The following IL1RAPL1 variants were observed in gnomAD, a reference collection of about 807,000 sequenced individuals.
The protein encoded by IL1RAPL1 is interleukin 1 receptor accessory protein like 1.
IL1RAPL1 carries 3 observed loss-of-function variants against 48.4 expected under a neutral mutation model. That is an observed-to-expected ratio of 0.06 (90% CI 0.03 to 0.16). IL1RAPL1 has a LOEUF of 0.16. IL1RAPL1 is among the 10% of genes least tolerant of loss of function. IL1RAPL1 has a pLI of 1.00. For missense variants in IL1RAPL1, 349 were observed against 530.6 expected (o/e 0.66, Z 3.36); for synonymous variants, 185 against 187.7 (o/e 0.99, Z 0.12).
intron 3 of IL1RAPL1, chrX:29,369,604 G>C (rs961149876): frequency 1.8e-5 from 2 of 111,390 alleles, no homozygotes; most frequent in African/African-American, 6.5e-5. Flanking sequence ...CAGGCAGTGT[G>C]GGGGAAACTG....
intron 2 of IL1RAPL1, among the ~76,000 whole-genome samples, chrX:28,924,927 G>C (rs776981410): frequency 3.6e-5 from 4 of 111,967 alleles, no homozygotes; most frequent in Non-Finnish European, 5.6e-5. Flanking sequence ...ATTGAAATTA[G>C]TTGGACTTTT....
At chrX:29,824,904 GT>G (rs758222398) in intron 6 of IL1RAPL1, among the ~76,000 whole-genome samples, 2,016 of 92,340 alleles carry the variant, frequency 0.022, 47 homozygotes, top group African/African-American at 0.071. Flanking sequence ...ACCAGAACAT[GT>G]TTTTTTTTTT....
At chrX:29,555,631 G>A (rs776569673) in intron 5 of IL1RAPL1, among the ~76,000 whole-genome samples, 5 of 111,741 alleles carry the variant, frequency 4.5e-5, no homozygotes, top group Non-Finnish European at 9.4e-5. Flanking sequence ...GTGCACATCT[G>A]TCTCTTTCAG....
At chrX:29,620,218 A>G (rs905331330) in intron 5 of IL1RAPL1, among the ~76,000 whole-genome samples, 1 of 112,025 alleles carries the variant, frequency 8.9e-6, no homozygotes, top group Non-Finnish European at 1.9e-5. Flanking sequence ...GCTTTAAGAC[A>G]ATAGTCTATA....
intron 2 of IL1RAPL1, among the ~76,000 whole-genome samples, chrX:29,100,859 AC>A (rs1194111412): frequency 8.9e-6 from 1 of 112,167 alleles, no homozygotes; most frequent in Admixed American, 9.5e-5. Context: ...ACATTGCCTT[AC>A]AAAAATTAAA....
intron 5 of IL1RAPL1, among the ~76,000 whole-genome samples, chrX:29,555,446 T>A (rs1339273062): frequency 1.8e-5 from 2 of 112,124 alleles, no homozygotes; most frequent in African/African-American, 6.5e-5. Context: ...AGCCCAAAGT[T>A]AGAAAAAATG....
intron 3 of IL1RAPL1, among the ~76,000 whole-genome samples, chrX:29,382,184 G>T (rs144582441): frequency 9.0e-6 from 1 of 110,981 alleles, no homozygotes; most frequent in African/African-American, 3.3e-5. Flanking sequence ...TATTCTTCAC[G>T]TGCATATGAA....
intron 6 of IL1RAPL1, among the ~76,000 whole-genome samples, chrX:29,673,571 C>T (rs1193214878): frequency 8.9e-6 from 1 of 111,823 alleles, no homozygotes; most frequent in Non-Finnish European, 1.9e-5. Context: ...AATAATATCC[C>T]AAGTCCAAGC....
chrX:29,246,264 C>T (rs1320462002), intron 2 of IL1RAPL1, among the ~76,000 whole-genome samples: 2 of 107,164 alleles, frequency 1.9e-5, no homozygotes, highest in African/African-American at 6.8e-5. Context: ...AGCCTTCTGC[C>T]AGGTCTTCCC....
intron 2 of IL1RAPL1, among the ~76,000 whole-genome samples, chrX:28,958,279 G>C (rs754088740): frequency 9.0e-6 from 1 of 111,590 alleles, no homozygotes; most frequent in South Asian, 3.8e-4. Context: ...ACCCTGCCCA[G>C]TCACCCTCTG....
chrX:29,254,886 C>A (rs1432741168), intron 2 of IL1RAPL1, among the ~76,000 whole-genome samples: 1 of 111,894 alleles, frequency 8.9e-6, no homozygotes, highest in African/African-American at 3.2e-5. Context: ...TCTGATTTTG[C>A]TGCTTTTCAT....
intron 6 of IL1RAPL1, among the ~76,000 whole-genome samples, chrX:29,671,338 T>G (rs902088925): frequency 8.9e-6 from 1 of 111,809 alleles, no homozygotes; most frequent in South Asian, 3.7e-4. Context: ...TTGATAGTGG[T>G]CATTTAAATT....
At chrX:28,788,050 A>G (rs918042219) in intron 1 of IL1RAPL1, among the ~76,000 whole-genome samples, 5 of 111,581 alleles carry the variant, frequency 4.5e-5, no homozygotes, top group Non-Finnish European at 9.4e-5. Flanking sequence ...CAGATATACA[A>G]TGAGTACATT....
intron 1 of IL1RAPL1, among the ~76,000 whole-genome samples, chrX:28,644,406 C>G (rs371228476): frequency 9.0e-6 from 1 of 111,612 alleles, no homozygotes; most frequent in Non-Finnish European, 1.9e-5. Context: ...TTCAGTTCAC[C>G]TGATTCTGGA....
intron 1 of IL1RAPL1, among the ~76,000 whole-genome samples, chrX:28,773,336 C>G (rs139666612): frequency 6.0e-4 from 67 of 111,591 alleles, no homozygotes; most frequent in African/African-American, 2.1e-3. Flanking sequence ...TTTGGCCTAC[C>G]AAAACACTTG....
At chrX:29,689,602 T>C (rs1342984139) in intron 6 of IL1RAPL1, among the ~76,000 whole-genome samples, 1 of 111,265 alleles carries the variant, frequency 9.0e-6, no homozygotes, top group East Asian at 2.8e-4. Flanking sequence ...CTACCTTAAT[T>C]AAGGTGTAGG....
Position 29,289,102 on chromosome X carries a change from T to G in IL1RAPL1, c.362+5885T>G, listed in dbSNP as rs1932332688. On this transcript the variant is annotated intron_variant, in intron 3 of 10. Transcript: ENST00000378993. The stretch of plus-strand genomic sequence containing the variant: ...GACAGATTGCAAAAATTTTCTCCTA[T>G]TCCTTAGGTTGTCTGTTCACTCTGA... Among the ~76,000 whole-genome samples, 2 of 112,175 alleles carry G rather than the reference T, an allele frequency of 1.8e-5. 1 individual carries two copies. The highest frequency in any genetic ancestry group is 7.4e-4 in the South Asian group (2 of 2,687).
At position 28,942,556 on chromosome X, in the gene IL1RAPL1, T is replaced by A. The variant is rs754479065; in HGVS notation, c.82+153131T>A. ...TCACATGGAATCCTAACATACGTGG[T>A]TGTCTGTTTTTCATGTCTCAATAAA... On this transcript the variant is annotated intron_variant, in intron 2 of 10. Coordinates refer to ENST00000378993, the MANE Select transcript of IL1RAPL1 (RefSeq NM_014271.4). 4.1e-3 allele frequency: 443 copies of A among 107,286 alleles called. 4 individuals are homozygous for A. The highest frequency in any genetic ancestry group is 0.014 in the African/African-American group (415 of 29,785). 8.8% of individuals were successfully genotyped at this position (107,286 alleles called of 1,213,427 possible). A position where few individuals can be genotyped will look rare whatever the true frequency, so the allele number is the denominator to read the frequency against.
intron 6 of IL1RAPL1, among the ~76,000 whole-genome samples, chrX:29,840,147 G>A (rs1244411830): frequency 9.0e-6 from 1 of 111,595 alleles, no homozygotes; most frequent in Non-Finnish European, 1.9e-5. Context: ...TCATCTTAAA[G>A]TCGGCTTGAC....
Sources: allele counts gnomAD v4.1 joint callset (sites outside exome capture counted in the v4.1 genomes callset), GRCh38; gene constraint gnomAD v4.1.1; transcripts MANE v1.5; gene names NCBI Gene and HGNC (gene_info 2026-07-23, HGNC 2026-07-21).